PLCG2: variants seen among roughly 807,000 people sequenced by gnomAD.
PLCG2 encodes the protein phospholipase C gamma 2, also known as 1-phosphatidylinositol 4,5-bisphosphate phosphodiesterase gamma-2.
A neutral mutation model predicts 175.6 loss-of-function variants in PLCG2; 69 were observed. The observed-to-expected ratio is 0.39, with a 90% CI of 0.32 to 0.48. PLCG2 has a LOEUF of 0.48. Ranked by LOEUF, PLCG2 falls within the 20% of genes least tolerant of loss-of-function variation. The probability of loss-of-function intolerance (pLI) is 0.91; values close to 1 mark genes in which losing one functional copy is unlikely to be tolerated. For missense variants in PLCG2, 1,798 were observed against 1,650.9 expected (o/e 1.09, Z -1.54); for synonymous variants, 827 against 624.0 (o/e 1.33, Z -4.85).
chr16:81,804,995 C>G (rs190642017), intron 2 of PLCG2, among the ~76,000 whole-genome samples: 2 of 152,138 alleles, frequency 1.3e-5, no homozygotes, highest in Non-Finnish European at 2.9e-5. Flanking sequence ...TGAGTTTTGC[C>G]TGGTTTACTC....
chr16:81,933,613 C>T (rs1046518569), intron 25 of PLCG2, among the ~76,000 whole-genome samples: 2 of 152,010 alleles, frequency 1.3e-5, no homozygotes, highest in Non-Finnish European at 2.9e-5. Context: ...CTCTGTTGCC[C>T]AGGCTACTCA....
chr16:81,801,881 A>T (rs1487700723), intron 2 of PLCG2, among the ~76,000 whole-genome samples: 1 of 151,818 alleles, frequency 6.6e-6, no homozygotes, highest in Non-Finnish European at 1.5e-5. Flanking sequence ...GGGTTTCACT[A>T]TGTTGGTCAG....
rs761287350 is a variant in PLCG2, at chr16:81,818,036, A to T, written c.193+31854A>T. Among the ~76,000 whole-genome samples, 8 of 152,326 alleles carry T rather than the reference A, an allele frequency of 5.3e-5. No homozygotes were observed. In the East Asian group the frequency reaches 9.6e-4, roughly 18 times the overall value. On this transcript the variant is annotated intron_variant, in intron 2 of 32. Coordinates refer to ENST00000564138, the MANE Select transcript of PLCG2 (RefSeq NM_002661.5). Reference sequence around the variant, plus strand: ...CATCTACTCTCTGTTCCTTCCTTTCATGTGGCCTGGGCTCGGTCACTTCCT... The same window carrying T: ...CATCTACTCTCTGTTCCTTCCTTTCTTGTGGCCTGGGCTCGGTCACTTCCT...
rs557080530 is a variant in PLCG2 at position 81,792,200 on chromosome 16, G to A, written c.193+6018G>A. 2.3e-4 allele frequency among the ~76,000 whole-genome samples: 35 copies of A among 152,282 alleles called. No individual in the cohort carries two copies. The South Asian group carries it at 4.6e-3, about 20-fold the overall frequency. ...ATGGTGCTAATAAAGACATACTCCA[G>A]CCTGGGCACAGTGGCTCACACCTGT... On this transcript the variant is annotated intron_variant, in intron 2 of 32. Coordinates refer to ENST00000564138, the MANE Select transcript of PLCG2 (RefSeq NM_002661.5).
At chr16:81,943,767 C>G (rs17203310) in intron 30 of PLCG2, among the ~76,000 whole-genome samples, 1 of 152,162 alleles carries the variant, frequency 6.6e-6, no homozygotes, top group East Asian at 1.9e-4. Context: ...CAACAAAAAT[C>G]ACATTGTAGC....
intron 2 of PLCG2, among the ~76,000 whole-genome samples, chr16:81,823,858 CTTCTT>C (rs1301029829): frequency 2.0e-5 from 3 of 151,466 alleles, no homozygotes; most frequent in Non-Finnish European, 4.4e-5. Flanking sequence ...TTTTTCCTTC[CTTCTT>C]TTCTTTTCTT....
chr16:81,758,124 C>T lies in PLCG2; in HGVS notation c.-48+2158C>T, dbSNP rs138464370. Among the ~76,000 whole-genome samples, 301 of 152,158 alleles carry T rather than the reference C, an allele frequency of 2.0e-3. 1 individual carries two copies. Among genetic ancestry groups the T allele is most frequent in the African/African-American group, 6.7e-3 (280 of 41,496 alleles). Reference sequence around the variant, plus strand: ...CTGAGTAACTGGGACCACAGGCGCTCGCCACCAGGCCTGGCTAGATTTTTG... The same window carrying T: ...CTGAGTAACTGGGACCACAGGCGCTTGCCACCAGGCCTGGCTAGATTTTTG... On this transcript the variant is annotated intron_variant, in intron 2 of 5. Coordinates refer to the PLCG2 transcript ENST00000565054.
At chr16:81,877,724 T>C (rs888983833) in intron 7 of PLCG2, among the ~76,000 whole-genome samples, 1 of 152,184 alleles carries the variant, frequency 6.6e-6, no homozygotes, top group Non-Finnish European at 1.5e-5. Context: ...GCAGACACCA[T>C]CACTCCTCGG....
At chr16:81,821,363 G>T (rs943683888) in intron 2 of PLCG2, among the ~76,000 whole-genome samples, 1 of 152,206 alleles carries the variant, frequency 6.6e-6, no homozygotes, top group African/African-American at 2.4e-5. Context: ...AATACTGGAG[G>T]TATTTCCAGT....
chr16:81,950,598 T>TA (rs1911328145), intron 31 of PLCG2, among the ~76,000 whole-genome samples: 1 of 152,216 alleles, frequency 6.6e-6, no homozygotes, highest in Non-Finnish European at 1.5e-5. Context: ...TCAAACTTCA[T>TA]AAATTTGATT....
intron 30 of PLCG2, among the ~76,000 whole-genome samples, chr16:81,941,462 A>T (rs1324026869): frequency 1.3e-5 from 2 of 152,148 alleles, no homozygotes; most frequent in Non-Finnish European, 2.9e-5. Flanking sequence ...CTTTGACAGA[A>T]CCAAACTATG....
At chr16:81,957,243 G>T (rs962076296) in intron 32 of PLCG2, among the ~76,000 whole-genome samples, 1 of 150,628 alleles carries the variant, frequency 6.6e-6, no homozygotes, top group African/African-American at 2.4e-5. Flanking sequence ...AGGTTGCAGT[G>T]AGCCGAGATC....
chr16:81,742,307 C>T (rs1454295194), intron 1 of PLCG2, among the ~76,000 whole-genome samples: 1 of 152,110 alleles, frequency 6.6e-6, no homozygotes, highest in Non-Finnish European at 1.5e-5. Flanking sequence ...AGGTGCCAGG[C>T]AGTGCTCAAG....
At chr16:81,873,078 C>T (rs1280943848) in intron 7 of PLCG2, among the ~76,000 whole-genome samples, 2 of 152,096 alleles carry the variant, frequency 1.3e-5, no homozygotes, top group Non-Finnish European at 2.9e-5. Context: ...CATTTTTTCT[C>T]ATATATAATA....
intron 2 of PLCG2, among the ~76,000 whole-genome samples, chr16:81,759,943 G>T (rs1245467803): frequency 5.3e-5 from 8 of 152,184 alleles, no homozygotes; most frequent in Admixed American, 5.2e-4. Flanking sequence ...TGGCTAACAC[G>T]GTGAAACCCC....
intron 11 of PLCG2, among the ~76,000 whole-genome samples, chr16:81,892,217 A>G (rs1336135915): frequency 6.6e-6 from 1 of 152,202 alleles, no homozygotes; most frequent in African/African-American, 2.4e-5. Flanking sequence ...GAGGGGAGGA[A>G]GGCAGGTCCT....
chr16:81,810,545 C>T (rs73589244), intron 2 of PLCG2, among the ~76,000 whole-genome samples: 2,076 of 152,222 alleles, frequency 0.014, 39 homozygotes, highest in African/African-American at 0.047. Context: ...CTGCTGAGGT[C>T]AAACAAGATG....
intron 2 of PLCG2, among the ~76,000 whole-genome samples, chr16:81,795,617 A>AG (rs1408849000): frequency 6.6e-6 from 1 of 152,052 alleles, no homozygotes; most frequent in African/African-American, 2.4e-5. Context: ...ATGGAGGAAG[A>AG]GGAAGAGCAG....
At chr16:81,817,683 A>C (rs1209574964) in intron 2 of PLCG2, among the ~76,000 whole-genome samples, 6 of 152,204 alleles carry the variant, frequency 3.9e-5, no homozygotes, top group Admixed American at 3.3e-4. Context: ...ATAGGGTCTC[A>C]CTGTGTTGCC....
Sources: gnomAD v4.1 joint callset for allele counts (sites outside exome capture counted in the v4.1 genomes callset) on GRCh38, gnomAD v4.1.1 for gene constraint, MANE v1.5 for transcripts, NCBI Gene and HGNC (gene_info 2026-07-23, HGNC 2026-07-21) for gene names.